Variants in LINGO2 observed in about 807,000 individuals in gnomAD.
The protein encoded by LINGO2 is leucine rich repeat and Ig domain containing 2, also known as leucine-rich repeat and immunoglobulin-like domain-containing nogo receptor-interacting protein 2.
In LINGO2, 14 loss-of-function variants were observed where a neutral mutation model predicts 30.6. The ratio of observed to expected loss-of-function variants is 0.46; its 90% CI spans 0.30 to 0.72. LINGO2 has a LOEUF of 0.72. Ranked by LOEUF, LINGO2 falls within the 30% of genes least tolerant of loss-of-function variation. The probability of loss-of-function intolerance (pLI) is 0.07; values close to 1 mark genes in which losing one functional copy is unlikely to be tolerated. For missense variants in LINGO2, 729 were observed against 751.7 expected (o/e 0.97, Z 0.35); for synonymous variants, 317 against 288.5 (o/e 1.10, Z -1.00).
chr9:28,462,355 T>A (rs1284915435), intron 2 of LINGO2, among the ~76,000 whole-genome samples: 1 of 151,268 alleles, frequency 6.6e-6, no homozygotes, highest in Non-Finnish European at 1.5e-5. Context: ...TGCCCTTATT[T>A]TCATTTTACA....
the LINGO2 span, among the ~76,000 whole-genome samples, chr9:28,959,612 T>TCTCTCTCTCTCACACA: frequency 7.6e-6 from 1 of 132,162 alleles, no homozygotes; most frequent in East Asian, 2.2e-4. Context: ...TCTCTCTCCC[T>TCTCTCTCTCTCACACA]CACACACACA....
At chr9:28,368,832 G>A (rs201531533) in intron 3 of LINGO2, among the ~76,000 whole-genome samples, 3 of 151,850 alleles carry the variant, frequency 2.0e-5, no homozygotes, top group East Asian at 3.9e-4. Flanking sequence ...TCCTGACCTC[G>A]TGATCCACCT....
At chr9:28,435,005 T>A (rs10757742) in intron 2 of LINGO2, among the ~76,000 whole-genome samples, 19,903 of 152,070 alleles carry the variant, frequency 0.13, 1,523 homozygotes, top group East Asian at 0.23. Flanking sequence ...TTCATTTTAC[T>A]TAAAAAAAAT....
At chr9:28,491,059 T>C (rs768022490) in intron 1 of LINGO2, among the ~76,000 whole-genome samples, 17 of 152,158 alleles carry the variant, frequency 1.1e-4, no homozygotes, top group South Asian at 4.1e-4. Context: ...TTTGGAAAAG[T>C]GAGATGGGAG....
the LINGO2 span, among the ~76,000 whole-genome samples, chr9:28,792,752 T>A: frequency 1.1e-3 from 174 of 152,284 alleles, no homozygotes; most frequent in African/African-American, 3.9e-3. Context: ...TTCATGATGG[T>A]TGCATACCTA....
chr9:28,652,937 G>A (rs1828172445), intron 1 of LINGO2, among the ~76,000 whole-genome samples: 1 of 151,954 alleles, frequency 6.6e-6, no homozygotes, highest in Admixed American at 6.6e-5. Flanking sequence ...TTGAATTTAG[G>A]AGAAAGTGCG....
intron 1 of LINGO2, among the ~76,000 whole-genome samples, chr9:28,511,057 T>G (rs373700260): frequency 4.6e-5 from 7 of 151,998 alleles, no homozygotes; most frequent in African/African-American, 1.7e-4. Flanking sequence ...TGGATCTGCC[T>G]TCCCCAGCCC....
intron 1 of LINGO2, among the ~76,000 whole-genome samples, chr9:28,628,277 T>C (rs1426310189): frequency 6.6e-6 from 1 of 152,080 alleles, no homozygotes; most frequent in African/African-American, 2.4e-5. Flanking sequence ...AAGCTGCATA[T>C]AATATATCTT....
chr9:28,348,174 T>C (rs1819668455), intron 3 of LINGO2, among the ~76,000 whole-genome samples: 1 of 152,146 alleles, frequency 6.6e-6, no homozygotes, highest in Admixed American at 6.5e-5. Context: ...ACAGCTCCAG[T>C]CTACAGCTCC....
intron 4 of LINGO2, among the ~76,000 whole-genome samples, chr9:28,197,300 A>G (rs888269319): frequency 1.1e-4 from 17 of 151,984 alleles, no homozygotes; most frequent in Non-Finnish European, 2.4e-4. Context: ...AGGAAAACAA[A>G]TAGAATATTA....
chr9:28,336,438 A>G (rs1419099415), intron 3 of LINGO2, among the ~76,000 whole-genome samples: 1 of 151,908 alleles, frequency 6.6e-6, no homozygotes, highest in East Asian at 1.9e-4. Context: ...CAATTTATCC[A>G]TTTTTTCTTT....
intron 1 of LINGO2, among the ~76,000 whole-genome samples, chr9:28,651,960 C>T (rs898224907): frequency 2.0e-5 from 3 of 152,250 alleles, no homozygotes; most frequent in Admixed American, 1.3e-4. Context: ...ATCCAATATT[C>T]GAAGGCTACC....
chr9:28,017,028 G>A (rs529759860), intron 4 of LINGO2, among the ~76,000 whole-genome samples: 1 of 152,182 alleles, frequency 6.6e-6, no homozygotes, highest in Admixed American at 6.5e-5. Flanking sequence ...ATGCAAGGTT[G>A]GTTCAACATA....
the LINGO2 span, among the ~76,000 whole-genome samples, chr9:28,702,550 G>A: frequency 3.0e-4 from 45 of 151,788 alleles, no homozygotes; most frequent in African/African-American, 1.1e-3. Flanking sequence ...TATTTGTTGA[G>A]GATTTTTGCA....
At chr9:29,021,600 T>C in the LINGO2 span, among the ~76,000 whole-genome samples, 1 of 151,452 alleles carries the variant, frequency 6.6e-6, no homozygotes, top group Non-Finnish European at 1.5e-5. Context: ...GAGGTTGCAG[T>C]GAGCGGAAAT....
chr9:28,189,669 GAGGAAGGAAGGAAGGGAGGAAGGA>G (rs1819734092), intron 4 of LINGO2, among the ~76,000 whole-genome samples: 3 of 19,576 alleles, frequency 1.5e-4, no homozygotes, highest in Non-Finnish European at 3.0e-4. Context: ...GGAAGGAAGG[GAGGAAGGAAGGAAGGGAGGAAGGA>G]AGGGAGGGAG....
intron 4 of LINGO2, among the ~76,000 whole-genome samples, chr9:28,293,330 T>G (rs950877093): frequency 6.6e-6 from 1 of 152,086 alleles, no homozygotes; most frequent in Non-Finnish European, 1.5e-5. Flanking sequence ...ACTCCTTGTC[T>G]CAAGTGATCC....
chr9:29,073,534 C>T, the LINGO2 span, among the ~76,000 whole-genome samples: 1 of 152,110 alleles, frequency 6.6e-6, no homozygotes, highest in African/African-American at 2.4e-5. Context: ...TTTTGCAATA[C>T]AAGAAACTCA....
the LINGO2 span, among the ~76,000 whole-genome samples, chr9:28,858,777 G>A: frequency 6.6e-6 from 1 of 152,092 alleles, no homozygotes; most frequent in Non-Finnish European, 1.5e-5. Flanking sequence ...ACTGAGAAGT[G>A]AGTTTCCTCA....
Sources: allele counts gnomAD v4.1 joint callset (sites outside exome capture counted in the v4.1 genomes callset), GRCh38; gene constraint gnomAD v4.1.1; transcripts MANE v1.5; gene names NCBI Gene and HGNC (gene_info 2026-07-23, HGNC 2026-07-21).